The following AKAP6 variants were observed in gnomAD, a reference collection of about 807,000 sequenced individuals.
The protein encoded by AKAP6 is A-kinase anchor protein 6.
A neutral mutation model predicts 188.5 loss-of-function variants in AKAP6; 58 were observed. The observed-to-expected ratio is 0.31, with a 90% CI of 0.25 to 0.38. AKAP6 has a LOEUF of 0.38. Ranked by LOEUF, AKAP6 falls within the 10% of genes least tolerant of loss-of-function variation. AKAP6 has a pLI of 1.00. For missense variants in AKAP6, 2,710 were observed against 2,740.0 expected (o/e 0.99, Z 0.24); for synonymous variants, 989 against 998.6 (o/e 0.99, Z 0.18).
chr14:32,531,459 G>T (rs1435603695), intron 2 of AKAP6, among the ~76,000 whole-genome samples: 2 of 152,202 alleles, frequency 1.3e-5, no homozygotes, highest in African/African-American at 2.4e-5. Context: ...AATTTTATGT[G>T]TATTTTACTG....
At chr14:32,422,386 C>G (rs1889878306) in intron 1 of AKAP6, among the ~76,000 whole-genome samples, 1 of 152,128 alleles carries the variant, frequency 6.6e-6, no homozygotes, top group South Asian at 2.1e-4. Context: ...CTTATCATTA[C>G]AGTTTTATTG....
At chr14:32,406,976 G>T (rs182735636) in intron 1 of AKAP6, among the ~76,000 whole-genome samples, 7 of 152,216 alleles carry the variant, frequency 4.6e-5, no homozygotes, top group African/African-American at 1.4e-4. Context: ...TCTTTTTGCC[G>T]TAAGACTGCT....
intron 1 of AKAP6, among the ~76,000 whole-genome samples, chr14:32,333,316 C>T (rs2138388711): frequency 6.6e-6 from 1 of 152,130 alleles, no homozygotes; most frequent in South Asian, 2.1e-4. Context: ...ATCCTAGAAC[C>T]CATGAATGGC....
intron 1 of AKAP6, among the ~76,000 whole-genome samples, chr14:32,415,144 G>C (rs1266402870): frequency 6.6e-6 from 1 of 152,176 alleles, no homozygotes; most frequent in African/African-American, 2.4e-5. Context: ...TTCTTTGGGA[G>C]ATATTGCATT....
chr14:32,626,790 G>A (rs892543195), intron 7 of AKAP6, among the ~76,000 whole-genome samples: 3 of 152,014 alleles, frequency 2.0e-5, no homozygotes, highest in African/African-American at 4.8e-5. Context: ...ACATTGCTTC[G>A]GTGTGGTTTC....
At chr14:32,691,363 A>G (rs895560320) in intron 8 of AKAP6, among the ~76,000 whole-genome samples, 3 of 152,198 alleles carry the variant, frequency 2.0e-5, no homozygotes, top group Non-Finnish European at 4.4e-5. Flanking sequence ...CCTGCAGAGT[A>G]GCTGGAGCTT....
intron 1 of AKAP6, among the ~76,000 whole-genome samples, chr14:32,427,927 A>C (rs1890087809): frequency 1.3e-5 from 2 of 152,226 alleles, no homozygotes; most frequent in South Asian, 4.1e-4. Context: ...TGCTTTAATC[A>C]CTTGCTTATA....
At position 32,824,445 on chromosome 14, in the gene AKAP6, T is replaced by C; in HGVS notation, c.6632T>C (p.Val2211Ala). 6.2e-7 allele frequency: 1 copy of C among 1,613,938 alleles called. No homozygotes were observed. Among genetic ancestry groups the C allele is most frequent in the Non-Finnish European group, 8.5e-7 (1 of 1,179,936 alleles). Reference protein sequence around the residue: ...SSLSADDADTVALSSPSSQER... With the variant: ...SSLSADDADTAALSSPSSQER... ...CTTTCAGCTGATGATGCAGATACAGTGGCTCTTTCAAGTCCTTCCTCTCAG... is the reference window on the plus strand; with the variant it reads ...CTTTCAGCTGATGATGCAGATACAGCGGCTCTTTCAAGTCCTTCCTCTCAG... Residue 2211 changes from valine (V) to alanine (A), a missense_variant, in exon 13 of 14, where the codon GTG becomes GCG. This residue lies in a region of AKAP6 where 2,473 missense variants were observed against 2,426.1 expected (regional missense o/e 1.02). Transcript: ENST00000280979.
chr14:32,718,339 A>G, intron 9 of AKAP6: 1 of 985,180 alleles, frequency 1.0e-6, no homozygotes, highest in Non-Finnish European at 1.2e-6. Context: ...AAAGCCTAAA[A>G]TCTCTAAAAT....
chr14:32,570,260 A>G (rs1884418069), intron 4 of AKAP6, among the ~76,000 whole-genome samples: 1 of 147,900 alleles, frequency 6.8e-6, no homozygotes, highest in African/African-American at 2.5e-5. Context: ...CCTCCTAAGT[A>G]GCTGGGATTA....
intron 1 of AKAP6, among the ~76,000 whole-genome samples, chr14:32,366,212 C>G (rs1226746799): frequency 6.6e-6 from 1 of 152,202 alleles, no homozygotes; most frequent in Admixed American, 6.5e-5. Context: ...CATAATTCCC[C>G]TGTTCATCCT....
rs367656384 is a variant in AKAP6 at position 32,811,485 on chromosome 14, T to A, written c.3589-9917T>A. 2.6e-5 allele frequency among the ~76,000 whole-genome samples: 4 copies of A among 152,072 alleles called. No homozygotes were observed. In the East Asian group the frequency reaches 7.7e-4, roughly 29 times the overall value. On this transcript the variant is annotated intron_variant, in intron 12 of 13. Coordinates refer to ENST00000280979, the MANE Select transcript of AKAP6 (RefSeq NM_004274.5). Reference sequence around the variant, plus strand: ...CATTGAGAATGAAGACACAAGAGGCTCTCAATAAATAAAATATGTTCCCAT... The same window carrying A: ...CATTGAGAATGAAGACACAAGAGGCACTCAATAAATAAAATATGTTCCCAT...
At chr14:32,695,178 A>C (rs775199468) in intron 8 of AKAP6, among the ~76,000 whole-genome samples, 2 of 152,308 alleles carry the variant, frequency 1.3e-5, no homozygotes, top group Middle Eastern at 3.4e-3. Context: ...ATTGCTGGCT[A>C]TTCAAAGATT....
intron 8 of AKAP6, among the ~76,000 whole-genome samples, chr14:32,692,350 A>AT (rs557448270): frequency 6.6e-6 from 1 of 152,122 alleles, no homozygotes; most frequent in African/African-American, 2.4e-5. Context: ...TATTTTATAT[A>AT]TTTTTTAATT....
rs1042013336 is a variant in AKAP6 at position 32,807,076 on chromosome 14, A to G, written c.3589-14326A>G. Among the ~76,000 whole-genome samples, 389 of 151,160 alleles carry G rather than the reference A, an allele frequency of 2.6e-3. 3 individuals carry two copies. Among genetic ancestry groups the G allele is most frequent in the African/African-American group, 9.1e-3 (374 of 41,242 alleles). On this transcript the variant is annotated intron_variant, in intron 12 of 13. Coordinates refer to ENST00000280979, the MANE Select transcript of AKAP6 (RefSeq NM_004274.5). ...CTCAAAGAAAGGGGGGGAAATATAT[A>G]TATATATATATAAAATCCCACATCT...
intron 7 of AKAP6, among the ~76,000 whole-genome samples, chr14:32,675,862 G>A (rs531548534): frequency 1.3e-5 from 2 of 152,224 alleles, no homozygotes; most frequent in Non-Finnish European, 2.9e-5. Context: ...CATATGTGAA[G>A]TATATCTCTT....
intron 2 of AKAP6, among the ~76,000 whole-genome samples, chr14:32,470,049 G>T (rs1227246410): frequency 1.3e-5 from 2 of 152,098 alleles, no homozygotes; most frequent in Admixed American, 6.6e-5. Context: ...AATATAAAAT[G>T]ATGTCATATT....
At chr14:32,687,400 A>ATC (rs71115092) in intron 8 of AKAP6, among the ~76,000 whole-genome samples, 6,664 of 128,816 alleles carry the variant, frequency 0.052, 188 homozygotes, top group East Asian at 0.14. Context: ...CATACTAACT[A>ATC]TCTCTCTCTC....
chr14:32,743,832 T>TA (rs772782863), intron 11 of AKAP6, among the ~76,000 whole-genome samples: 2 of 152,228 alleles, frequency 1.3e-5, no homozygotes, highest in African/African-American at 4.8e-5. Context: ...GTTGCATTGT[T>TA]AAAATATTCT....
Sources: allele counts gnomAD v4.1 joint callset (sites outside exome capture counted in the v4.1 genomes callset), GRCh38; gene constraint gnomAD v4.1.1; regional missense constraint gnomAD v4.1.1; transcripts MANE v1.5; gene names NCBI Gene and HGNC (gene_info 2026-07-23, HGNC 2026-07-21).